Variants in HERC1 observed in about 807,000 individuals in gnomAD.
The protein encoded by HERC1 is HECT and RLD domain containing E3 ubiquitin protein ligase family member 1.
A neutral mutation model predicts 554.3 loss-of-function variants in HERC1; 160 were observed. The ratio of observed to expected loss-of-function variants is 0.29; its 90% CI spans 0.25 to 0.33. HERC1 has a LOEUF of 0.33. HERC1 is among the 10% of genes least tolerant of loss of function. The pLI is 1.00. For synonymous variants in HERC1, 2,175 were observed against 2,131.7 expected (o/e 1.02, Z -0.56); for missense variants, 4,919 against 5,918.5 (o/e 0.83, Z 5.54).
At position 63,756,601 on chromosome 15, in the gene HERC1, T is replaced by C. The variant is rs754849846; in HGVS notation, c.1369A>G (p.Ile457Val). ...KKLTFEPHRS[I>V]KKVSSSKGSD... ...CCTTTAGAAGATGAAACCTTTTTAA[T>C]GGATCTGTGAGGCTCGAATGTTAAC... The change falls in exon 5 of 78, where the codon ATT becomes GTT. Residue 457 changes from isoleucine (I) to valine (V), a missense_variant. Coordinates refer to ENST00000443617, the MANE Select transcript of HERC1 (RefSeq NM_003922.4). This position sits in a 1 kb window ranked among gnomAD's most constrained non-coding sequence, Gnocchi z 5.0. The C allele has an allele frequency of 1.1e-5, 17 of 1,613,974 alleles. No homozygotes were observed. Among genetic ancestry groups the C allele is most frequent in the Non-Finnish European group, 1.4e-5 (16 of 1,179,836 alleles).
intron 11 of HERC1, 33 bp downstream of exon 11, chr15:63,747,691 C>T: frequency 7.3e-7 from 1 of 1,369,594 alleles, no homozygotes; most frequent in African/African-American, 1.4e-5. Flanking sequence ...CGCACACACA[C>T]ACACAAAGAT....
In HERC1 at chr15:63,692,800, G is replaced by C. The variant is rs1339619457; in HGVS notation, c.5675-234C>G. On this transcript the variant is annotated intron_variant, in intron 30 of 77. Transcript: ENST00000443617. The surrounding 1 kb of genome is among the most constrained non-coding windows in gnomAD (Gnocchi z 4.7). ...ATAAAAATGAATATGCTATAACTAT[G>C]ATGACTAAGTATAATAAAGAATTAT... Among the ~76,000 whole-genome samples, 1 of 152,186 alleles carries C rather than the reference G, an allele frequency of 6.6e-6. No homozygotes were observed. The highest frequency in any genetic ancestry group is 2.4e-5 in the African/African-American group (1 of 41,448).
chr15:63,762,867 G>A (rs1051562400), intron 3 of HERC1, among the ~76,000 whole-genome samples: 8 of 152,334 alleles, frequency 5.3e-5, no homozygotes, highest in Admixed American at 2.0e-4. Context: ...CTTGCATAAT[G>A]TCCTCTCGAA....
chr15:63,831,146 T>G (rs2078138903), intron 1 of HERC1, among the ~76,000 whole-genome samples: 1 of 152,152 alleles, frequency 6.6e-6, no homozygotes, highest in Non-Finnish European at 1.5e-5. Flanking sequence ...TCACTGTGTC[T>G]CCCAGGCTGG....
At chr15:63,646,628 C>T (rs1412838593) in intron 55 of HERC1, among the ~76,000 whole-genome samples, 7 of 150,478 alleles carry the variant, frequency 4.7e-5, no homozygotes, top group South Asian at 2.1e-4. Context: ...GGTGAAACCC[C>T]GTCTCTAGTA....
At chr15:63,657,402 T>C (rs8023719) in intron 48 of HERC1, among the ~76,000 whole-genome samples, 19,318 of 152,010 alleles carry the variant, frequency 0.13, 1,342 homozygotes, top group Middle Eastern at 0.17. Flanking sequence ...TCACTGAGGT[T>C]GAACATCTTT....
rs59408197 is a variant in HERC1 at position 63,616,034 on chromosome 15, C to A, written c.13942-114G>T. 2.3e-3 allele frequency: 2,029 copies of A among 888,170 alleles called. 38 individuals carry two copies. The African/African-American group carries it at 0.032, about 14-fold the overall frequency. The allele number at this position is 888,170 out of a possible 1,614,324, so 55.0% of individuals were successfully genotyped here. ...AACTCACAATTTTTAAGGATAAAAACAAGGAACACAAAACAGGTAGGACTG... is the reference window on the plus strand; with the variant it reads ...AACTCACAATTTTTAAGGATAAAAAAAAGGAACACAAAACAGGTAGGACTG... On this transcript the variant is annotated intron_variant, in intron 75 of 77. Transcript: ENST00000443617.
intron 74 of HERC1, among the ~76,000 whole-genome samples, chr15:63,617,451 T>G (rs1488321941): frequency 6.6e-6 from 1 of 152,228 alleles, no homozygotes; most frequent in Non-Finnish European, 1.5e-5. Context: ...CTATTATGAA[T>G]AGTGCCGCAA....
At position 63,658,693 on chromosome 15, in the gene HERC1, G is replaced by T; in HGVS notation, c.9450C>A (p.Ser3150Arg). The T allele has an allele frequency of 6.2e-7, 1 of 1,612,804 alleles. No individual in the cohort carries two copies. The highest frequency in any genetic ancestry group is 8.5e-7 in the Non-Finnish European group (1 of 1,179,098). Reference sequence around the variant, plus strand: ...CTCCTAACGTTATTCTCCCAGAGGAGCTCTTTTCTACGGAGCCATGGCAAC... The same window carrying T: ...CTCCTAACGTTATTCTCCCAGAGGATCTCTTTTCTACGGAGCCATGGCAAC... ...QIGCHGSVEK[S>R]SSGRITLGEQ... The change falls in exon 48 of 78, where the codon AGC becomes AGA. Residue 3150 changes from serine to arginine, a missense_variant. Coordinates refer to ENST00000443617, the MANE Select transcript of HERC1 (RefSeq NM_003922.4).
chr15:63,806,246 A>T (rs971369385), intron 1 of HERC1, among the ~76,000 whole-genome samples: 1 of 150,928 alleles, frequency 6.6e-6, no homozygotes, highest in Non-Finnish European at 1.5e-5. Context: ...GTGCAGTCAT[A>T]GCTCAGTGCA....
rs1348873294 is a variant in HERC1, at chr15:63,669,454, GACAAAACACAATGCCC to G, written c.8206+68_8206+83del. Reference sequence around the variant, plus strand: ...AAATCACTGTTTTACCTTCTGTGAAGACAAAACACAATGCCCACATAATAAAGTCCCACACATCTGG... The same window carrying G: ...AAATCACTGTTTTACCTTCTGTGAAGACATAATAAAGTCCCACACATCTGG... On this transcript the variant is annotated intron_variant, in intron 40 of 77. Transcript: ENST00000443617. 8.3e-6 allele frequency: 11 copies of G among 1,322,944 alleles called. No homozygotes were observed. In the East Asian group the frequency reaches 2.5e-4, roughly 31 times the overall value. 82.0% of individuals were successfully genotyped at this position (1,322,944 alleles called of 1,614,324 possible). A position where few individuals can be genotyped will look rare whatever the true frequency, so the allele number is the denominator to read the frequency against.
At chr15:63,828,847 ACT>A (rs2078029981) in intron 1 of HERC1, among the ~76,000 whole-genome samples, 2 of 152,232 alleles carry the variant, frequency 1.3e-5, no homozygotes, top group African/African-American at 4.8e-5. Context: ...AACCTAAGTA[ACT>A]TTGGAAAACT....
At chr15:63,831,002 C>T (rs2078133365) in intron 1 of HERC1, among the ~76,000 whole-genome samples, 1 of 152,168 alleles carries the variant, frequency 6.6e-6, no homozygotes, top group Admixed American at 6.5e-5. Context: ...ATTTGACCAA[C>T]TTTTTATGTT....
intron 48 of HERC1, among the ~76,000 whole-genome samples, chr15:63,657,163 T>C (rs2070085925): frequency 6.6e-6 from 1 of 152,178 alleles, no homozygotes; most frequent in Non-Finnish European, 1.5e-5. Context: ...TATGGGAGTT[T>C]TAGCTGTTTC....
intron 55 of HERC1, among the ~76,000 whole-genome samples, chr15:63,647,624 A>G (rs1048194777): frequency 6.6e-6 from 1 of 152,242 alleles, no homozygotes; most frequent in African/African-American, 2.4e-5. Context: ...GGATGACTGG[A>G]TAACGAAAAC....
chr15:63,625,886 CAAAGGCAGAGGG>C (rs2068281853), intron 71 of HERC1, 87 bp downstream of exon 71: 1 of 1,280,028 alleles, frequency 7.8e-7, no homozygotes, highest in African/African-American at 1.5e-5. Context: ...AAGAATTTTC[CAAAGGCAGAGGG>C]AAAGGCCCTG....
At position 63,802,643 on chromosome 15, in the gene HERC1, T is replaced by C. The variant is rs139522211; in HGVS notation, c.-26-26994A>G. On this transcript the variant is annotated intron_variant, in intron 1 of 77. Transcript: ENST00000443617. ...TACAATGCACAAATCCAAACTGACA[T>C]ACATACATAAATTACCAAAGATTCA... 2.0e-5 allele frequency among the ~76,000 whole-genome samples: 3 copies of C among 152,232 alleles called. No individual in the cohort carries two copies. The East Asian group carries it at 5.8e-4, about 29-fold the overall frequency.
rs1322794997 is a variant in HERC1 at position 63,680,515 on chromosome 15, G to C, written c.6465+22C>G. On this transcript the variant is annotated intron_variant, in intron 35 of 77. Coordinates refer to ENST00000443617, the MANE Select transcript of HERC1 (RefSeq NM_003922.4). This position sits in a 1 kb window ranked among gnomAD's most constrained non-coding sequence, Gnocchi z 5.8. ...TAAATAGAAACAAGAAAAATGTAAT[G>C]CTTGTGAATGGGTGTCGGTACCTCT... The C allele has an allele frequency of 1.9e-6, 3 of 1,610,082 alleles. No individual in the cohort carries two copies. Among genetic ancestry groups the C allele is most frequent in the Non-Finnish European group, 2.5e-6 (3 of 1,178,194 alleles).
intron 75 of HERC1, among the ~76,000 whole-genome samples, chr15:63,616,204 G>A (rs923564361): frequency 6.6e-6 from 1 of 150,402 alleles, no homozygotes. Flanking sequence ...ACTCTAACAG[G>A]CAGAAAAAAA....
Sources: gnomAD v4.1 joint callset for allele counts (sites outside exome capture counted in the v4.1 genomes callset) on GRCh38, gnomAD v4.1.1 for gene constraint, Gnocchi (gnomAD v3.1) non-coding constraint, MANE v1.5 for transcripts, NCBI Gene and HGNC (gene_info 2026-07-23, HGNC 2026-07-21) for gene names.